MYO18B: variants seen among roughly 807,000 people sequenced by gnomAD.
MYO18B encodes unconventional myosin-XVIIIb.
MYO18B carries 204 observed loss-of-function variants against 273.0 expected under a neutral mutation model. The observed-to-expected ratio is 0.75, with a 90% CI of 0.67 to 0.84. The LOEUF is 0.84. MYO18B is among the 40% of genes least tolerant of loss of function. The pLI is 0.00. For missense variants in MYO18B, 3,212 were observed against 3,287.6 expected (o/e 0.98, Z 0.56); for synonymous variants, 1,330 against 1,305.7 (o/e 1.02, Z -0.40).
chr22:26,038,197 A>G, the MYO18B span, among the ~76,000 whole-genome samples: 1 of 152,216 alleles, frequency 6.6e-6, no homozygotes. Flanking sequence ...TCAATTGTAA[A>G]TAACTAGGGT....
intron 12 of MYO18B, among the ~76,000 whole-genome samples, chr22:25,802,102 G>A (rs2088224860): frequency 6.6e-6 from 1 of 152,156 alleles, no homozygotes; most frequent in Admixed American, 6.5e-5. Context: ...GCAAGTACCC[G>A]ACCTCCCATA....
intron 39 of MYO18B, among the ~76,000 whole-genome samples, chr22:25,977,016 C>T (rs2093097265): frequency 6.6e-6 from 1 of 152,138 alleles, no homozygotes; most frequent in South Asian, 2.1e-4. Flanking sequence ...GTAACTTGGG[C>T]TGCACGATGC....
At chr22:25,897,566 A>C (rs1000367100) in intron 28 of MYO18B, 2 of 152,224 alleles carry the variant, frequency 1.3e-5, no homozygotes, top group African/African-American at 2.4e-5. Context: ...AAAAGTAATA[A>C]AACAGCAACC....
At chr22:25,920,771 A>AT (rs1192491679) in intron 33 of MYO18B, among the ~76,000 whole-genome samples, 34 of 152,212 alleles carry the variant, frequency 2.2e-4, no homozygotes, top group Admixed American at 2.2e-3. Context: ...ACCCAGATCA[A>AT]TAACATTAAT....
the MYO18B span, among the ~76,000 whole-genome samples, chr22:26,052,081 T>C: frequency 6.6e-6 from 1 of 152,224 alleles, no homozygotes. Context: ...GTGGAAGGAA[T>C]TTTTAAAGGC....
At chr22:25,775,480 A>G (rs1469411139) in intron 7 of MYO18B, among the ~76,000 whole-genome samples, 14 of 152,166 alleles carry the variant, frequency 9.2e-5, no homozygotes, top group Admixed American at 9.2e-4. Flanking sequence ...GGCTTCAGAC[A>G]TCCTCCTGCA....
chr22:25,768,907 C>G lies in MYO18B; in HGVS notation c.991C>G (p.Pro331Ala). ...GGGAAGAAGGAGTAAGTGGGACGGT[C>G]CCCAGAATAAGAAGGACAAAGAAGG... ...FLGRRSKWDG[P>A]QNKKDKEGVL... The change falls in exon 4 of 44, where the codon CCC becomes GCC. Residue 331 changes from proline to alanine, a missense_variant. Pro to Ala is a conservative substitution (Grantham distance 27). Transcript: ENST00000335473. 1 of 1,612,596 alleles carries G rather than the reference C, an allele frequency of 6.2e-7. No homozygotes were observed. Among genetic ancestry groups the G allele is most frequent in the East Asian group, 2.2e-5 (1 of 44,860 alleles).
chr22:25,966,439 T>C (rs2092979025), intron 39 of MYO18B, among the ~76,000 whole-genome samples: 1 of 152,186 alleles, frequency 6.6e-6, no homozygotes, highest in Non-Finnish European at 1.5e-5. Flanking sequence ...AAAGATGAAT[T>C]ATTCTGGCTG....
At chr22:25,974,930 G>A (rs942683912) in intron 39 of MYO18B, among the ~76,000 whole-genome samples, 1 of 152,176 alleles carries the variant, frequency 6.6e-6, no homozygotes, top group Admixed American at 6.5e-5. Flanking sequence ...TGTGACCAAA[G>A]CGATCCCTGA....
At chr22:25,810,167 G>A (rs2088677292) in intron 12 of MYO18B, among the ~76,000 whole-genome samples, 2 of 146,544 alleles carry the variant, frequency 1.4e-5, no homozygotes, top group African/African-American at 2.5e-5. Flanking sequence ...GCACCATCTC[G>A]GCTCACTGCA....
At chr22:25,827,391 G>T (rs2089533817) in intron 14 of MYO18B, among the ~76,000 whole-genome samples, 2 of 152,190 alleles carry the variant, frequency 1.3e-5, no homozygotes, top group African/African-American at 4.8e-5. Context: ...AGTGGGCTGG[G>T]GTGTGCCTCT....
chr22:25,880,460 GT>G (rs555447809), intron 25 of MYO18B, among the ~76,000 whole-genome samples: 26 of 151,544 alleles, frequency 1.7e-4, no homozygotes, highest in Non-Finnish European at 2.7e-4. Flanking sequence ...ATTTCTGAGA[GT>G]TTTTTTTTGA....
chr22:25,896,259 G>C lies in MYO18B; in HGVS notation c.4668+979G>C, dbSNP rs375032364. 3.3e-5 allele frequency: 5 copies of C among 152,158 alleles called. No homozygotes were observed. The East Asian group carries it at 7.7e-4, about 23-fold the overall frequency. The allele number at this position is 152,158 out of a possible 1,614,324, so 9.4% of individuals were successfully genotyped here. A position where few individuals can be genotyped will look rare whatever the true frequency, so the allele number is the denominator to read the frequency against. ...TGCCCCACCTAGATCCAGGGTGAAA[G>C]CAAGCTTTCTTACCACCTTCCAGGC... On this transcript the variant is annotated intron_variant, in intron 28 of 43. Coordinates refer to ENST00000335473, the MANE Select transcript of MYO18B (RefSeq NM_032608.7).
intron 26 of MYO18B, 47 bp from the exon 27 acceptor site, chr22:25,891,257 A>C (rs1761670086): frequency 7.3e-7 from 1 of 1,367,222 alleles, no homozygotes; most frequent in Admixed American, 2.0e-5. Flanking sequence ...TGACCAGCCC[A>C]TGTCTTCTGT....
chr22:25,862,412 A>G lies in MYO18B; in HGVS notation c.3886-5908A>G, dbSNP rs115147233. Reference sequence around the variant, plus strand: ...TTTTCCTATGTGTTTTTGTTTTCCCATGCTCTTTAGTCCTTAAGTATTTGA... The same window carrying G: ...TTTTCCTATGTGTTTTTGTTTTCCCGTGCTCTTTAGTCCTTAAGTATTTGA... On this transcript the variant is annotated intron_variant, in intron 21 of 43. Coordinates refer to ENST00000335473, the MANE Select transcript of MYO18B (RefSeq NM_032608.7). 9.6e-3 allele frequency among the ~76,000 whole-genome samples: 1,465 copies of G among 152,306 alleles called. 30 individuals are homozygous for G. The highest frequency in any genetic ancestry group is 0.032 in the African/African-American group (1,341 of 41,578).
At chr22:25,944,477 A>C (rs987528149) in intron 34 of MYO18B, among the ~76,000 whole-genome samples, 3 of 152,170 alleles carry the variant, frequency 2.0e-5, no homozygotes, top group Non-Finnish European at 4.4e-5. Context: ...TAAGAGGGCC[A>C]ACGGGACTTA....
chr22:26,050,623 G>T, the MYO18B span, among the ~76,000 whole-genome samples: 1 of 152,262 alleles, frequency 6.6e-6, no homozygotes, highest in Admixed American at 6.5e-5. Flanking sequence ...ATGGAAGTCA[G>T]AAGGACAACA....
At chr22:26,038,672 T>A in the MYO18B span, among the ~76,000 whole-genome samples, 1 of 152,182 alleles carries the variant, frequency 6.6e-6, no homozygotes, top group East Asian at 1.9e-4. Context: ...CTCCTCCTCC[T>A]GTTGGATTAC....
chr22:25,844,642 C>T (rs1300919950), intron 18 of MYO18B, among the ~76,000 whole-genome samples: 1 of 152,220 alleles, frequency 6.6e-6, no homozygotes, highest in East Asian at 1.9e-4. Flanking sequence ...AAGTGGCTTG[C>T]CTTTGCTCAC....
Sources: allele counts gnomAD v4.1 joint callset (sites outside exome capture counted in the v4.1 genomes callset), GRCh38; gene constraint gnomAD v4.1.1; transcripts MANE v1.5; gene names NCBI Gene and HGNC (gene_info 2026-07-23, HGNC 2026-07-21).